RCAN2: variants seen among roughly 807,000 people sequenced by gnomAD.
RCAN2 encodes regulator of calcineurin 2.
RCAN2 carries 9 observed loss-of-function variants against 23.6 expected under a neutral mutation model. The ratio of observed to expected loss-of-function variants is 0.38; its 90% CI spans 0.23 to 0.67. The LOEUF (loss-of-function observed/expected upper bound fraction) is 0.67. Among genes scored for constraint, RCAN2 ranks in the 30% least tolerant of loss-of-function variants. The probability of loss-of-function intolerance (pLI) is 0.51; values close to 1 mark genes in which losing one functional copy is unlikely to be tolerated. For synonymous variants in RCAN2, 109 were observed against 115.7 expected (o/e 0.94, Z 0.37); for missense variants, 273 against 302.3 (o/e 0.90, Z 0.72).
Position 46,222,182 on chromosome 6 carries a change from G to C in RCAN2, c.*959C>G. 1 of 392,066 alleles carries C rather than the reference G, an allele frequency of 2.6e-6. No homozygotes were observed. The highest frequency in any genetic ancestry group is 4.5e-6 in the Non-Finnish European group (1 of 222,096). 24.3% of individuals were successfully genotyped at this position (392,066 alleles called of 1,614,324 possible). A position where few individuals can be genotyped will look rare whatever the true frequency, so the allele number is the denominator to read the frequency against. ...CTTATTAGAGTGTAATATTATCAGA[G>C]TATCTGTATTAGTATATGAAGGCAT... On this transcript the variant is annotated 3_prime_UTR_variant, in exon 5 of 5. Coordinates refer to ENST00000371374, the MANE Select transcript of RCAN2 (RefSeq NM_001251974.2).
intron 2 of RCAN2, among the ~76,000 whole-genome samples, chr6:46,341,440 T>A (rs143022696): frequency 6.6e-6 from 1 of 152,308 alleles, no homozygotes; most frequent in African/African-American, 2.4e-5. Flanking sequence ...TTAAGAAAGT[T>A]TACGAATTTG....
chr6:46,288,862 T>C (rs1337257759), intron 2 of RCAN2, among the ~76,000 whole-genome samples: 1 of 152,276 alleles, frequency 6.6e-6, no homozygotes, highest in African/African-American at 2.4e-5. Flanking sequence ...TGTCACTATA[T>C]CCACAGTGCC....
At chr6:46,419,090 G>A (rs1380582509) in intron 2 of RCAN2, among the ~76,000 whole-genome samples, 1 of 152,112 alleles carries the variant, frequency 6.6e-6, no homozygotes, top group East Asian at 1.9e-4. Context: ...TGCATATATT[G>A]TAGGCATATG....
intron 2 of RCAN2, among the ~76,000 whole-genome samples, chr6:46,288,590 T>C (rs1159834021): frequency 1.3e-5 from 2 of 152,256 alleles, no homozygotes; most frequent in Non-Finnish European, 2.9e-5. Flanking sequence ...CAAAAAGTTA[T>C]CTGCATTTCT....
intron 2 of RCAN2, among the ~76,000 whole-genome samples, chr6:46,344,712 G>A (rs1561867967): frequency 6.6e-6 from 1 of 151,616 alleles, no homozygotes; most frequent in Admixed American, 6.6e-5. Context: ...ACAAAAGGAG[G>A]GCTAGATGAA....
intron 4 of RCAN2, among the ~76,000 whole-genome samples, chr6:46,228,766 C>A (rs1437078982): frequency 1.3e-5 from 2 of 152,056 alleles, no homozygotes; most frequent in Admixed American, 6.5e-5. Flanking sequence ...GAGCATTTAG[C>A]CCATTTACAT....
chr6:46,383,183 G>GTGTT (rs1158251489), intron 2 of RCAN2, among the ~76,000 whole-genome samples: 1 of 151,274 alleles, frequency 6.6e-6, no homozygotes, highest in African/African-American at 2.4e-5. Context: ...GTGTGTGTGT[G>GTGTT]TGTGTGTGTG....
rs373725204 is a variant in RCAN2, at chr6:46,482,336, C to T, written c.-3+8837G>A. 4.6e-3 allele frequency among the ~76,000 whole-genome samples: 698 copies of T among 152,156 alleles called. 6 individuals are homozygous for T. The highest frequency in any genetic ancestry group is 0.016 in the African/African-American group (663 of 41,514). On this transcript the variant is annotated intron_variant, in intron 1 of 4. Coordinates refer to ENST00000371374, the MANE Select transcript of RCAN2 (RefSeq NM_001251974.2). ...CTTTTTTGGAAAAGGAATAATATCTCTTTGTTTTCAAGCCCTAGGATCATT... is the reference window on the plus strand; with the variant it reads ...CTTTTTTGGAAAAGGAATAATATCTTTTTGTTTTCAAGCCCTAGGATCATT...
At chr6:46,316,605 C>A (rs775757237) in intron 2 of RCAN2, among the ~76,000 whole-genome samples, 1 of 152,216 alleles carries the variant, frequency 6.6e-6, no homozygotes, top group South Asian at 2.1e-4. Flanking sequence ...TGGGATTATA[C>A]ATCCCTATAT....
intron 1 of RCAN2, among the ~76,000 whole-genome samples, chr6:46,488,125 G>A (rs1189744332): frequency 4.6e-5 from 7 of 151,940 alleles, no homozygotes; most frequent in African/African-American, 1.7e-4. Context: ...TCCAAACCTA[G>A]GGCAAAAAAC....
chr6:46,237,632 T>A (rs1004468275), intron 4 of RCAN2, among the ~76,000 whole-genome samples: 1 of 152,204 alleles, frequency 6.6e-6, no homozygotes, highest in African/African-American at 2.4e-5. Context: ...TACAGGTTGT[T>A]GTGTATCGCT....
chr6:46,350,489 G>C (rs1157636620), intron 2 of RCAN2, among the ~76,000 whole-genome samples: 1 of 152,192 alleles, frequency 6.6e-6, no homozygotes. Flanking sequence ...TCATGGGAGG[G>C]AAGTGAGTGT....
intron 1 of RCAN2, among the ~76,000 whole-genome samples, chr6:46,458,884 A>AC (rs1768126573): frequency 8.9e-6 from 1 of 112,994 alleles, no homozygotes; most frequent in African/African-American, 2.9e-5. Flanking sequence ...TTTACAGGAA[A>AC]ACGCGCGCGC....
chr6:46,439,010 A>T (rs527382717), intron 2 of RCAN2, among the ~76,000 whole-genome samples: 2 of 152,334 alleles, frequency 1.3e-5, no homozygotes, highest in East Asian at 3.9e-4. Flanking sequence ...TATATCTTAG[A>T]ATATAATATC....
At chr6:46,243,359 A>G (rs1326790348) in intron 4 of RCAN2, among the ~76,000 whole-genome samples, 1 of 152,190 alleles carries the variant, frequency 6.6e-6, no homozygotes, top group Non-Finnish European at 1.5e-5. Context: ...TAGAAAATAC[A>G]TCCAGATTGC....
intron 2 of RCAN2, among the ~76,000 whole-genome samples, chr6:46,265,025 G>A (rs1395639293): frequency 6.6e-6 from 1 of 152,048 alleles, no homozygotes; most frequent in Non-Finnish European, 1.5e-5. Context: ...AAGCTGGGTC[G>A]ATATGGCTTC....
intron 2 of RCAN2, among the ~76,000 whole-genome samples, chr6:46,416,056 T>C (rs1766706796): frequency 6.6e-6 from 1 of 152,218 alleles, no homozygotes; most frequent in Non-Finnish European, 1.5e-5. Context: ...TCTGCATATG[T>C]TCAGTACAGA....
At chr6:46,471,318 CCTA>C (rs1279410053) in intron 1 of RCAN2, among the ~76,000 whole-genome samples, 1 of 152,082 alleles carries the variant, frequency 6.6e-6, no homozygotes, top group Non-Finnish European at 1.5e-5. Flanking sequence ...GAAGTAGGAA[CCTA>C]CTAAGAAACA....
intron 2 of RCAN2, among the ~76,000 whole-genome samples, chr6:46,288,316 G>A (rs962286897): frequency 6.6e-6 from 1 of 152,194 alleles, no homozygotes; most frequent in Non-Finnish European, 1.5e-5. Flanking sequence ...TGGCTCTGAG[G>A]CTTATTCTCT....
Sources: allele counts gnomAD v4.1 joint callset (sites outside exome capture counted in the v4.1 genomes callset), GRCh38; gene constraint gnomAD v4.1.1; transcripts MANE v1.5; gene names NCBI Gene and HGNC (gene_info 2026-07-23, HGNC 2026-07-21).